The following RASSF6 variants were observed in gnomAD, a reference collection of about 807,000 sequenced individuals.
The protein encoded by RASSF6 is Ras association domain family member 6.
In RASSF6, 52 loss-of-function variants were observed where a neutral mutation model predicts 44.0. The observed-to-expected ratio is 1.18, with a 90% CI of 0.95 to 1.49. The LOEUF (loss-of-function observed/expected upper bound fraction) is 1.49. Among genes scored for constraint, RASSF6 ranks in the 40% most tolerant of loss-of-function variants. The pLI is 0.00. For missense variants in RASSF6, 464 were observed against 393.3 expected (o/e 1.18, Z -1.52); for synonymous variants, 162 against 124.6 (o/e 1.30, Z -2.00).
intron 4 of RASSF6, among the ~76,000 whole-genome samples, chr4:73,591,526 T>C (rs1220484721): frequency 6.6e-6 from 1 of 152,216 alleles, no homozygotes; most frequent in Non-Finnish European, 1.5e-5. Flanking sequence ...TTGTACAGTT[T>C]TCGGAAAGCA....
intron 2 of RASSF6, among the ~76,000 whole-genome samples, chr4:73,602,948 C>A (rs969901112): frequency 4.6e-5 from 7 of 152,158 alleles, no homozygotes; most frequent in Non-Finnish European, 7.4e-5. Context: ...ATTAGCAGGG[C>A]GCGGTGGCGG....
At chr4:73,584,522 A>G (rs532344128) in intron 6 of RASSF6, among the ~76,000 whole-genome samples, 1 of 152,296 alleles carries the variant, frequency 6.6e-6, no homozygotes, top group Admixed American at 6.5e-5. Context: ...TATCTAAACT[A>G]CAACTACACT....
In RASSF6 at chr4:73,617,621, G is replaced by A. The variant is rs970526808; in HGVS notation, c.-35+2667C>T. On this transcript the variant is annotated intron_variant, in intron 1 of 10. Coordinates refer to ENST00000307439, the MANE Select transcript of RASSF6 (RefSeq NM_177532.5). The stretch of plus-strand genomic sequence containing the variant: ...TAAGCTCCTTTACTAGGCTCTAGGT[G>A]ATGATGAAGTTTTCCTTTAAGTTAA... Among the ~76,000 whole-genome samples, 6 of 152,314 alleles carry A rather than the reference G, an allele frequency of 3.9e-5. No homozygotes were observed. In the East Asian group the frequency reaches 9.6e-4, roughly 24 times the overall value.
chr4:73,599,957 T>C (rs1725176044), intron 2 of RASSF6, among the ~76,000 whole-genome samples: 1 of 152,016 alleles, frequency 6.6e-6, no homozygotes, highest in South Asian at 2.1e-4. Context: ...CAGATTCTCA[T>C]CTTGGGGCCT....
At chr4:73,596,092 A>T (rs1724923913) in intron 3 of RASSF6, among the ~76,000 whole-genome samples, 1 of 152,220 alleles carries the variant, frequency 6.6e-6, no homozygotes, top group South Asian at 2.1e-4. Flanking sequence ...TAAAAAGAAA[A>T]AAAGTAAACA....
At position 73,571,754 on chromosome 4, in the gene RASSF6, A is replaced by T. The variant is rs1722933167; in HGVS notation, c.*4481T>A. The T allele has an allele frequency of 6.6e-6, 1 of 151,990 alleles. No homozygotes were observed. Among genetic ancestry groups the T allele is most frequent in the Non-Finnish European group, 1.5e-5 (1 of 67,986 alleles). The allele number at this position is 151,990 out of a possible 1,614,324, so 9.4% of individuals were successfully genotyped here. ...AATATTAGGTACAGAAAAGCTATAAAGATAAATGTGACACATTCTTTACCA... is the reference window on the plus strand; with the variant it reads ...AATATTAGGTACAGAAAAGCTATAATGATAAATGTGACACATTCTTTACCA... On this transcript the variant is annotated 3_prime_UTR_variant, in exon 11 of 11. Transcript: ENST00000307439.
At chr4:73,584,644 C>A (rs548047961) in intron 6 of RASSF6, among the ~76,000 whole-genome samples, 1 of 152,198 alleles carries the variant, frequency 6.6e-6, no homozygotes, top group South Asian at 2.1e-4. Context: ...TAAATGTTCA[C>A]GTTCAAATGT....
At position 73,598,486 on chromosome 4, in the gene RASSF6, A is replaced by T. The variant is rs556549322; in HGVS notation, c.144+154T>A. Among the ~76,000 whole-genome samples, 62 of 152,326 alleles carry T rather than the reference A, an allele frequency of 4.1e-4. 2 individuals are homozygous for T. Among genetic ancestry groups the T allele is most frequent in the African/African-American group, 1.4e-3 (59 of 41,580 alleles). On this transcript the variant is annotated intron_variant, in intron 3 of 10. Transcript: ENST00000307439. Reference sequence around the variant, plus strand: ...TTTTAAATGCTTTTCTATCTCAAAAATGCTTAGAAAGTCACAAGTGTTCCA... The same window carrying T: ...TTTTAAATGCTTTTCTATCTCAAAATTGCTTAGAAAGTCACAAGTGTTCCA...
At position 73,576,525 on chromosome 4, in the gene RASSF6, G is replaced by GA. The variant is rs577176139; in HGVS notation, c.841-19dup. On this transcript the variant is annotated intron_variant, in intron 9 of 10. Transcript: ENST00000307439. ...TGAGCCACCTAAGAAAGAAGAAGAAGAAAAAAAAAAGAAAGCAGAACAATT... is the reference window on the plus strand; with the variant it reads ...TGAGCCACCTAAGAAAGAAGAAGAAGAAAAAAAAAAAGAAAGCAGAACAATT... 5.0e-3 allele frequency: 6,588 copies of GA among 1,328,220 alleles called. No homozygotes were observed. Among genetic ancestry groups the GA allele is most frequent in the South Asian group, 6.0e-3 (419 of 69,554 alleles). 82.3% of individuals were successfully genotyped at this position (1,328,220 alleles called of 1,614,324 possible). A position where few individuals can be genotyped will look rare whatever the true frequency, so the allele number is the denominator to read the frequency against.
At chr4:73,619,489 T>G (rs2149403516) in intron 1 of RASSF6, among the ~76,000 whole-genome samples, 1 of 152,292 alleles carries the variant, frequency 6.6e-6, no homozygotes, top group African/African-American at 2.4e-5. Context: ...AACGGCCCCT[T>G]TGGCAGAGCA....
At chr4:73,587,668 A>G (rs889306140) in intron 5 of RASSF6, among the ~76,000 whole-genome samples, 172 bp downstream of exon 5, 1 of 151,994 alleles carries the variant, frequency 6.6e-6, no homozygotes, top group Admixed American at 6.6e-5. Flanking sequence ...TACAAGCACT[A>G]TAGTGACTTA....
At chr4:73,610,216 C>T (rs1208755286) in intron 2 of RASSF6, among the ~76,000 whole-genome samples, 2 of 152,154 alleles carry the variant, frequency 1.3e-5, no homozygotes, top group Non-Finnish European at 2.9e-5. Context: ...CCATGTCTAA[C>T]CCTTCTGGAA....
chr4:73,614,389 G>T (rs1726212813), intron 1 of RASSF6, among the ~76,000 whole-genome samples: 1 of 152,180 alleles, frequency 6.6e-6, no homozygotes, highest in Non-Finnish European at 1.5e-5. Flanking sequence ...TCATGATGGT[G>T]GAGACTTCAT....
chr4:73,572,622 G>T lies in RASSF6; in HGVS notation c.*3613C>A, dbSNP rs991335851. 6.6e-6 allele frequency: 1 copy of T among 152,160 alleles called. No homozygotes were observed. The highest frequency in any genetic ancestry group is 1.5e-5 in the Non-Finnish European group (1 of 68,012). The allele number at this position is 152,160 out of a possible 1,614,324, so 9.4% of individuals were successfully genotyped here. The stretch of plus-strand genomic sequence containing the variant: ...TAAGCTTCATCTCTTCAAAGGAGAA[G>T]AATCAGACTTTATGGATATAAAACT... On this transcript the variant is annotated 3_prime_UTR_variant, in exon 11 of 11. Coordinates refer to ENST00000307439, the MANE Select transcript of RASSF6 (RefSeq NM_177532.5).
intron 1 of RASSF6, among the ~76,000 whole-genome samples, chr4:73,614,463 G>A (rs539698699): frequency 6.6e-6 from 1 of 152,276 alleles, no homozygotes; most frequent in East Asian, 1.9e-4. Flanking sequence ...CACCATGTCA[G>A]AGCATAGCAA....
intron 2 of RASSF6, among the ~76,000 whole-genome samples, chr4:73,605,896 T>C (rs1363695462): frequency 2.6e-5 from 4 of 152,248 alleles, no homozygotes; most frequent in African/African-American, 9.6e-5. Flanking sequence ...TTCATGTTTG[T>C]TGGCTGCTTG....
chr4:73,603,757 T>C (rs776158093), intron 2 of RASSF6, among the ~76,000 whole-genome samples: 2 of 152,222 alleles, frequency 1.3e-5, no homozygotes, highest in Non-Finnish European at 2.9e-5. Context: ...AAAACTGTAA[T>C]ATACATGAAT....
At chr4:73,592,384 C>T (rs772475533) in intron 4 of RASSF6, among the ~76,000 whole-genome samples, 5 of 151,840 alleles carry the variant, frequency 3.3e-5, no homozygotes, top group Middle Eastern at 3.2e-3. Context: ...ACAATGGATG[C>T]GAGGATGAAT....
intron 4 of RASSF6, 131 bp from the exon 5 acceptor site, chr4:73,588,065 A>G (rs10009048): frequency 0.62 from 307,632 of 492,898 alleles, 97,577 homozygotes; most frequent in East Asian, 0.68. Context: ...CAAAGTTATA[A>G]CAATTTTATG....
Sources: allele counts gnomAD v4.1 joint callset (sites outside exome capture counted in the v4.1 genomes callset), GRCh38; gene constraint gnomAD v4.1.1; transcripts MANE v1.5; gene names NCBI Gene and HGNC (gene_info 2026-07-23, HGNC 2026-07-21).